DOCK1: variants seen among roughly 807,000 people sequenced by gnomAD.
The protein encoded by DOCK1 is dedicator of cytokinesis protein 1.
Under a neutral mutation model 262.7 loss-of-function variants are expected in DOCK1, and 138 were observed. That is an observed-to-expected ratio of 0.53 (90% CI 0.46 to 0.61). The LOEUF (loss-of-function observed/expected upper bound fraction) is 0.61. Ranked by LOEUF, DOCK1 falls within the 20% of genes least tolerant of loss-of-function variation. The probability of loss-of-function intolerance (pLI) is 0.00; values close to 1 mark genes in which losing one functional copy is unlikely to be tolerated. For synonymous variants in DOCK1, 866 were observed against 867.4 expected (o/e 1.00, Z 0.03); for missense variants, 1,908 against 2,370.7 (o/e 0.80, Z 4.05).
intron 1 of DOCK1, among the ~76,000 whole-genome samples, chr10:126,920,279 T>A (rs540543220): frequency 2.0e-5 from 3 of 152,384 alleles, no homozygotes; most frequent in African/African-American, 7.2e-5. Context: ...TAAATTAAAT[T>A]AAAGTTCCTT....
intron 1 of DOCK1, among the ~76,000 whole-genome samples, chr10:126,923,981 G>A (rs1737415735): frequency 6.6e-6 from 1 of 152,206 alleles, no homozygotes; most frequent in African/African-American, 2.4e-5. Context: ...ACAACTGTGG[G>A]AAATGAATTT....
chr10:127,321,745 T>G (rs919944625), intron 29 of DOCK1, among the ~76,000 whole-genome samples: 1 of 147,508 alleles, frequency 6.8e-6, no homozygotes, highest in Non-Finnish European at 1.5e-5. Flanking sequence ...AAATTTACTT[T>G]GTCACCCTTT....
At chr10:127,043,587 C>T (rs1048574600) in intron 21 of DOCK1, among the ~76,000 whole-genome samples, 3 of 152,210 alleles carry the variant, frequency 2.0e-5, no homozygotes, top group Non-Finnish European at 4.4e-5. Context: ...TATCTCCTTG[C>T]TCTTTAAAGA....
At chr10:127,365,490 T>C (rs2064855513) in intron 33 of DOCK1, among the ~76,000 whole-genome samples, 1 of 152,244 alleles carries the variant, frequency 6.6e-6, no homozygotes, top group Non-Finnish European at 1.5e-5. Flanking sequence ...TTGAATTTTA[T>C]ATAAATCTAG....
At chr10:127,265,377 T>C (rs1358914899) in intron 29 of DOCK1, among the ~76,000 whole-genome samples, 1 of 152,032 alleles carries the variant, frequency 6.6e-6, no homozygotes, top group Non-Finnish European at 1.5e-5. Context: ...GTCTGTGTGT[T>C]ACACATTAAA....
intron 1 of DOCK1, among the ~76,000 whole-genome samples, chr10:126,954,395 A>G (rs1031406299): frequency 6.6e-6 from 1 of 152,190 alleles, no homozygotes; most frequent in African/African-American, 2.4e-5. Context: ...CACATCTTGA[A>G]ATGTTTTTTC....
At chr10:127,278,430 C>T (rs147921286) in intron 29 of DOCK1, among the ~76,000 whole-genome samples, 44 of 152,140 alleles carry the variant, frequency 2.9e-4, no homozygotes, top group Admixed American at 8.5e-4. Context: ...AAAAATAAAC[C>T]AAGCAGAACT....
At chr10:127,326,274 C>A (rs1053947219) in intron 29 of DOCK1, among the ~76,000 whole-genome samples, 2 of 152,218 alleles carry the variant, frequency 1.3e-5, no homozygotes, top group Non-Finnish European at 2.9e-5. Flanking sequence ...TGTTTGGTAG[C>A]ATTTTACACA....
chr10:127,083,986 A>C (rs2047056736), intron 23 of DOCK1, among the ~76,000 whole-genome samples: 1 of 152,212 alleles, frequency 6.6e-6, no homozygotes, highest in Non-Finnish European at 1.5e-5. Flanking sequence ...ATCTCTTGTT[A>C]TCCCTAAAAA....
intron 1 of DOCK1, among the ~76,000 whole-genome samples, chr10:126,951,508 AAT>A (rs2036241715): frequency 1.3e-5 from 2 of 150,094 alleles, no homozygotes; most frequent in Non-Finnish European, 3.0e-5. Flanking sequence ...TGATGGTGGT[AAT>A]GTTGTTTTTG....
intron 29 of DOCK1, among the ~76,000 whole-genome samples, chr10:127,299,595 G>A (rs559625521): frequency 6.6e-6 from 1 of 152,230 alleles, no homozygotes; most frequent in Non-Finnish European, 1.5e-5. Flanking sequence ...TTCAGAGGGA[G>A]CATCGCCTTG....
At chr10:126,914,359 T>C (rs1347832897) in intron 1 of DOCK1, among the ~76,000 whole-genome samples, 1 of 152,182 alleles carries the variant, frequency 6.6e-6, no homozygotes, top group Non-Finnish European at 1.5e-5. Flanking sequence ...TGATGCAAGA[T>C]TTTTATGCCA....
chr10:127,104,473 T>C (rs1453595803), intron 23 of DOCK1, among the ~76,000 whole-genome samples: 1 of 152,220 alleles, frequency 6.6e-6, no homozygotes, highest in Non-Finnish European at 1.5e-5. Context: ...GTTTATTTAT[T>C]TGCTCATGGT....
chr10:126,949,791 A>G (rs2134374284), intron 1 of DOCK1, among the ~76,000 whole-genome samples: 1 of 151,984 alleles, frequency 6.6e-6, no homozygotes, highest in South Asian at 2.1e-4. Flanking sequence ...ATTTCTTGTG[A>G]CTTTTGTTTT....
intron 1 of DOCK1, among the ~76,000 whole-genome samples, chr10:126,957,390 G>T (rs1054868545): frequency 2.6e-5 from 4 of 152,100 alleles, no homozygotes; most frequent in African/African-American, 9.7e-5. Context: ...AAGTGCAAAC[G>T]CCTCCCATCA....
intron 25 of DOCK1, among the ~76,000 whole-genome samples, chr10:127,111,220 G>A (rs1049754215): frequency 3.3e-5 from 5 of 152,130 alleles, no homozygotes; most frequent in East Asian, 1.9e-4. Context: ...TCTGGGATGC[G>A]AATTTTAATC....
chr10:127,185,319 G>A (rs1414630448), intron 27 of DOCK1, among the ~76,000 whole-genome samples: 2 of 152,122 alleles, frequency 1.3e-5, no homozygotes, highest in Non-Finnish European at 2.9e-5. Flanking sequence ...ACAAGGTCAG[G>A]AGATCAAGAC....
rs975518552 is a variant in DOCK1, at chr10:127,381,473, G to A, written c.3807+105G>A. The A allele has an allele frequency of 2.4e-5, 24 of 985,416 alleles. No individual in the cohort carries two copies. In the African/African-American group the frequency reaches 3.8e-4, roughly 16 times the overall value. 61.0% of individuals were successfully genotyped at this position (985,416 alleles called of 1,614,324 possible). A position where few individuals can be genotyped will look rare whatever the true frequency, so the allele number is the denominator to read the frequency against. On this transcript the variant is annotated intron_variant, in intron 37 of 51. Transcript: ENST00000623213. ...AAATTTTAGTAGGCCTATAACTTAA[G>A]GTTTTATGAAATTGACTAAATAAAT...
chr10:127,273,049 A>G (rs541582102), intron 29 of DOCK1, among the ~76,000 whole-genome samples: 2 of 152,356 alleles, frequency 1.3e-5, no homozygotes, highest in East Asian at 1.9e-4. Flanking sequence ...GTGGGGACAC[A>G]GCCAAACCAT....
Sources: allele counts gnomAD v4.1 joint callset (sites outside exome capture counted in the v4.1 genomes callset), GRCh38; gene constraint gnomAD v4.1.1; transcripts MANE v1.5; gene names NCBI Gene and HGNC (gene_info 2026-07-23, HGNC 2026-07-21).